DACH1: variants seen among roughly 807,000 people sequenced by gnomAD.
The protein encoded by DACH1 is dachshund homolog 1.
DACH1 carries 12 observed loss-of-function variants against 54.2 expected under a neutral mutation model. The ratio of observed to expected loss-of-function variants is 0.22; its 90% CI spans 0.14 to 0.36. The LOEUF is 0.36. Ranked by LOEUF, DACH1 falls within the 10% of genes least tolerant of loss-of-function variation. DACH1 has a pLI of 1.00. For missense variants in DACH1, 805 were observed against 929.8 expected (o/e 0.87, Z 1.75); for synonymous variants, 386 against 366.2 (o/e 1.05, Z -0.62).
At chr13:71,488,851 G>C (rs1310829348) in intron 7 of DACH1, 146 bp downstream of exon 7, 1 of 555,986 alleles carries the variant, frequency 1.8e-6, no homozygotes, top group Non-Finnish European at 3.1e-6. Context: ...AGTGTAACAG[G>C]TTTAAAATCT....
chr13:71,678,248 T>C (rs1444683673), intron 2 of DACH1, among the ~76,000 whole-genome samples: 2 of 152,220 alleles, frequency 1.3e-5, no homozygotes, highest in Non-Finnish European at 2.9e-5. Flanking sequence ...GGGAGAAAGA[T>C]GTTATATACT....
chr13:71,566,182 A>C (rs1884884821), intron 4 of DACH1, among the ~76,000 whole-genome samples: 2 of 152,168 alleles, frequency 1.3e-5, no homozygotes, highest in South Asian at 2.1e-4. Flanking sequence ...CACCACCACT[A>C]TGAGCCTCTC....
chr13:71,504,683 T>C (rs1880175418), intron 6 of DACH1, among the ~76,000 whole-genome samples: 1 of 152,216 alleles, frequency 6.6e-6, no homozygotes, highest in Admixed American at 6.6e-5. Context: ...AAATGGCAAC[T>C]CTTCCTAATC....
intron 10 of DACH1, among the ~76,000 whole-genome samples, chr13:71,447,880 T>C (rs1874614780): frequency 6.6e-6 from 1 of 151,680 alleles, no homozygotes; most frequent in Admixed American, 6.6e-5. Context: ...TATAAATTAA[T>C]ACAATTTCAA....
chr13:71,488,934 G>GA lies in DACH1; in HGVS notation c.1722+62dup, dbSNP rs142679788. 1.8e-3 allele frequency: 2,597 copies of GA among 1,412,276 alleles called. 2 individuals carry two copies. The highest frequency in any genetic ancestry group is 0.012 in the East Asian group (489 of 41,122). 87.5% of individuals were successfully genotyped at this position (1,412,276 alleles called of 1,614,324 possible). ...TTAAGTAGGAACAGTATAAATTTTG[G>GA]AAAAAAAAAATCTACAACAGGGTGT... is the stretch of plus-strand genomic sequence containing the variant. On this transcript the variant is annotated intron_variant, in intron 7 of 10. Transcript: ENST00000613252.
chr13:71,607,925 A>G (rs919691606), intron 3 of DACH1, among the ~76,000 whole-genome samples: 8 of 152,062 alleles, frequency 5.3e-5, no homozygotes, highest in African/African-American at 1.9e-4. Context: ...CAGTTTAGGA[A>G]TGAAGATACT....
At chr13:71,519,002 A>G (rs1378215785) in intron 6 of DACH1, among the ~76,000 whole-genome samples, 1 of 151,950 alleles carries the variant, frequency 6.6e-6, no homozygotes, top group Non-Finnish European at 1.5e-5. Flanking sequence ...TCATTTATAT[A>G]CCATATACAT....
intron 3 of DACH1, among the ~76,000 whole-genome samples, chr13:71,613,066 T>A (rs116331425): frequency 3.2e-3 from 483 of 152,296 alleles, no homozygotes; most frequent in African/African-American, 0.011. Context: ...TTGTGCAAAG[T>A]GCAACAGAAA....
At chr13:71,743,096 C>G (rs540147621) in intron 1 of DACH1, among the ~76,000 whole-genome samples, 1 of 152,108 alleles carries the variant, frequency 6.6e-6, no homozygotes, top group Non-Finnish European at 1.5e-5. Context: ...GCATAGAGAC[C>G]AAGACATACA....
chr13:71,662,125 C>A (rs1879537391), intron 2 of DACH1, among the ~76,000 whole-genome samples: 1 of 151,890 alleles, frequency 6.6e-6, no homozygotes, highest in Non-Finnish European at 1.5e-5. Context: ...AGGCTGCTGC[C>A]AAAACAAAGC....
At chr13:71,772,405 CT>C (rs1010269864) in intron 1 of DACH1, among the ~76,000 whole-genome samples, 6 of 151,554 alleles carry the variant, frequency 4.0e-5, no homozygotes, top group African/African-American at 1.4e-4. Context: ...GTGCAGAGAG[CT>C]TTTTTTCACC....
intron 1 of DACH1, among the ~76,000 whole-genome samples, chr13:71,734,160 C>G (rs915137232): frequency 1.5e-5 from 2 of 136,796 alleles, no homozygotes; most frequent in African/African-American, 2.8e-5. Flanking sequence ...ATCCCATATA[C>G]GTATACCCCA....
chr13:71,771,604 A>G (rs1017572811), intron 1 of DACH1, among the ~76,000 whole-genome samples: 3 of 151,682 alleles, frequency 2.0e-5, no homozygotes, highest in East Asian at 1.9e-4. Flanking sequence ...CAAAGAATCA[A>G]TGAACTGTTA....
chr13:71,637,858 T>A (rs1489254692), intron 2 of DACH1, among the ~76,000 whole-genome samples: 1 of 152,156 alleles, frequency 6.6e-6, no homozygotes, highest in Non-Finnish European at 1.5e-5. Flanking sequence ...ATTATAGATA[T>A]CAATAAAAGA....
At chr13:71,538,372 C>T (rs1344335954) in intron 6 of DACH1, among the ~76,000 whole-genome samples, 1 of 149,462 alleles carries the variant, frequency 6.7e-6, no homozygotes, top group African/African-American at 2.5e-5. Context: ...GTTTTGTTTT[C>T]CTCAAAAAAA....
At chr13:71,622,040 C>T (rs747217860) in intron 3 of DACH1, among the ~76,000 whole-genome samples, 7 of 151,396 alleles carry the variant, frequency 4.6e-5, no homozygotes, top group South Asian at 2.1e-4. Flanking sequence ...ATAAAGAGCA[C>T]GCAAAACTAT....
chr13:71,752,548 A>G (rs987267424), intron 1 of DACH1, among the ~76,000 whole-genome samples: 30 of 150,508 alleles, frequency 2.0e-4, no homozygotes, highest in Non-Finnish European at 1.6e-4. Context: ...TGAAATTATT[A>G]TTACTTGGAA....
intron 6 of DACH1, among the ~76,000 whole-genome samples, chr13:71,523,736 A>G (rs1284547397): frequency 1.3e-5 from 2 of 152,132 alleles, no homozygotes; most frequent in East Asian, 3.9e-4. Flanking sequence ...ATCACAAGTT[A>G]TAAAATCTTA....
chr13:71,651,630 T>C (rs1474176440), intron 2 of DACH1, among the ~76,000 whole-genome samples: 2 of 151,988 alleles, frequency 1.3e-5, no homozygotes, highest in African/African-American at 2.4e-5. Flanking sequence ...CATGGCACTC[T>C]GGGAGTGAGA....
Sources: allele counts gnomAD v4.1 joint callset (sites outside exome capture counted in the v4.1 genomes callset), GRCh38; gene constraint gnomAD v4.1.1; transcripts MANE v1.5; gene names NCBI Gene and HGNC (gene_info 2026-07-23, HGNC 2026-07-21).